RNF43: variants seen among roughly 807,000 people sequenced by gnomAD.
RNF43 encodes the protein E3 ubiquitin-protein ligase RNF43.
In RNF43, 37 loss-of-function variants were observed where a neutral mutation model predicts 78.4. The observed-to-expected ratio is 0.47, with a 90% CI of 0.36 to 0.62. The LOEUF is 0.62. Ranked by LOEUF, RNF43 falls within the 20% of genes least tolerant of loss-of-function variation. The pLI is 0.00. For missense variants in RNF43, 774 were observed against 1,007.9 expected (o/e 0.77, Z 3.14); for synonymous variants, 347 against 395.0 (o/e 0.88, Z 1.44).
At chr17:58,400,061 T>C (rs1449399608) in intron 2 of RNF43, among the ~76,000 whole-genome samples, 1 of 152,168 alleles carries the variant, frequency 6.6e-6, no homozygotes, top group Non-Finnish European at 1.5e-5. Flanking sequence ...ACAGCTGCTT[T>C]GTGTCAGTGA....
At chr17:58,402,516 A>G (rs1446911695) in intron 2 of RNF43, 1 of 152,198 alleles carries the variant, frequency 6.6e-6, no homozygotes, top group African/African-American at 2.4e-5. Flanking sequence ...GGTTCCGGAA[A>G]GGCTTGGAAA....
intron 2 of RNF43, among the ~76,000 whole-genome samples, chr17:58,393,965 A>G (rs1388823539): frequency 6.6e-6 from 1 of 152,216 alleles, no homozygotes; most frequent in Non-Finnish European, 1.5e-5. Context: ...CTGAGGCAGG[A>G]GAATGGCGTG....
At chr17:58,374,231 AT>A (rs1297708375) in intron 2 of RNF43, among the ~76,000 whole-genome samples, 16 of 152,326 alleles carry the variant, frequency 1.1e-4, no homozygotes, top group African/African-American at 3.8e-4. Context: ...GGTTAAAAAA[AT>A]ATTTAAGAAC....
At chr17:58,352,737 G>C (rs1463426904), downstream of RNF43, 1 of 210,664 alleles carries the variant, frequency 4.7e-6, no homozygotes, top group East Asian at 7.0e-5. Flanking sequence ...GGGAGCTACG[G>C]CGGAAAAAAA....
At chr17:58,396,226 C>T (rs544388632) in intron 2 of RNF43, among the ~76,000 whole-genome samples, 4 of 151,990 alleles carry the variant, frequency 2.6e-5, no homozygotes, top group Admixed American at 2.0e-4. Context: ...ATAGAAGAAA[C>T]GTTTGACTTG....
At chr17:58,402,996 T>C (rs989151420) in intron 2 of RNF43, among the ~76,000 whole-genome samples, 1 of 151,974 alleles carries the variant, frequency 6.6e-6, no homozygotes, top group Admixed American at 6.6e-5. Flanking sequence ...AAAGGAGTTT[T>C]TTTGGGGTGG....
intron 2 of RNF43, among the ~76,000 whole-genome samples, chr17:58,412,770 A>G (rs1191811229): frequency 6.6e-6 from 1 of 152,150 alleles, no homozygotes; most frequent in African/African-American, 2.4e-5. Context: ...CAAAATGTAA[A>G]GAAATGTCTG....
chr17:58,386,946 C>T (rs1679185278), intron 2 of RNF43, among the ~76,000 whole-genome samples: 1 of 152,118 alleles, frequency 6.6e-6, no homozygotes, highest in African/African-American at 2.4e-5. Flanking sequence ...AGCCACCATG[C>T]CTGGCCTATA....
At chr17:58,389,757 T>A (rs1383447101) in intron 2 of RNF43, among the ~76,000 whole-genome samples, 1 of 152,258 alleles carries the variant, frequency 6.6e-6, no homozygotes, top group African/African-American at 2.4e-5. Context: ...CTTTCTTGTA[T>A]CTTATAAATT....
intron 9 of RNF43, among the ~76,000 whole-genome samples, chr17:58,356,679 C>T (rs192791585): frequency 7.2e-5 from 11 of 152,084 alleles, no homozygotes; most frequent in Admixed American, 3.3e-4. Context: ...TCTTTTTTCT[C>T]GTTGTTCACA....
chr17:58,404,317 C>T (rs1210408207), intron 2 of RNF43, among the ~76,000 whole-genome samples: 2 of 152,122 alleles, frequency 1.3e-5, no homozygotes, highest in Non-Finnish European at 2.9e-5. Flanking sequence ...TAAGCATAAA[C>T]TCTAAAAGTT....
intron 3 of RNF43, among the ~76,000 whole-genome samples, chr17:58,366,175 A>T (rs764692007): frequency 2.0e-5 from 3 of 152,232 alleles, no homozygotes; most frequent in Non-Finnish European, 4.4e-5. Flanking sequence ...AGCACAAAGG[A>T]ATAGAAACGG....
At chr17:58,410,482 G>A (rs372972506) in intron 2 of RNF43, among the ~76,000 whole-genome samples, 1 of 152,270 alleles carries the variant, frequency 6.6e-6, no homozygotes, top group Middle Eastern at 3.4e-3. Context: ...ATTTACATAA[G>A]TAACAGAGTT....
At chr17:58,381,093 CA>C (rs1206109760) in intron 2 of RNF43, among the ~76,000 whole-genome samples, 1 of 152,118 alleles carries the variant, frequency 6.6e-6, no homozygotes, top group Non-Finnish European at 1.5e-5. Flanking sequence ...TGCAAAGTGG[CA>C]AAATTATGGA....
chr17:58,352,954 T>C (rs1972593576), downstream of RNF43: 2 of 215,360 alleles, frequency 9.3e-6, no homozygotes, highest in Admixed American at 5.8e-5. Context: ...ACCAAACCTT[T>C]CTCGGGGAAG....
intron 2 of RNF43, among the ~76,000 whole-genome samples, chr17:58,398,644 C>T (rs1973732979): frequency 6.6e-6 from 1 of 152,138 alleles, no homozygotes; most frequent in African/African-American, 2.4e-5. Context: ...GAAATGGAGT[C>T]TAGCAATCAT....
At chr17:58,399,527 T>C (rs748241391) in intron 2 of RNF43, among the ~76,000 whole-genome samples, 3 of 152,168 alleles carry the variant, frequency 2.0e-5, no homozygotes, top group Non-Finnish European at 4.4e-5. Context: ...CTGGGGAAAG[T>C]AGTCCCCTTC....
chr17:58,394,277 AT>A (rs1973626606), intron 2 of RNF43, among the ~76,000 whole-genome samples: 1 of 152,232 alleles, frequency 6.6e-6, no homozygotes, highest in African/African-American at 2.4e-5. Flanking sequence ...AACCCTATCC[AT>A]TGACGGTGAA....
intron 2 of RNF43, among the ~76,000 whole-genome samples, chr17:58,412,179 G>A (rs1332393457): frequency 6.6e-6 from 1 of 152,098 alleles, no homozygotes; most frequent in African/African-American, 2.4e-5. Context: ...AGAAGAGGAA[G>A]AGACAAATAT....
Sources: gnomAD v4.1 joint callset for allele counts (sites outside exome capture counted in the v4.1 genomes callset) on GRCh38, gnomAD v4.1.1 for gene constraint, MANE v1.5 for transcripts, NCBI Gene and HGNC (gene_info 2026-07-23, HGNC 2026-07-21) for gene names.